Variants in NKAIN3 observed in about 807,000 individuals in gnomAD.
NKAIN3 encodes sodium/potassium transporting ATPase interacting 3.
In NKAIN3, 25 loss-of-function variants were observed where a neutral mutation model predicts 30.2. The ratio of observed to expected loss-of-function variants is 0.83; its 90% confidence interval spans 0.60 to 1.16. NKAIN3 has a LOEUF of 1.16. Among genes scored for constraint, NKAIN3 ranks in the 50% most tolerant of loss-of-function variants. The pLI, the probability that NKAIN3 is intolerant of heterozygous loss-of-function variation, is 0.00. For missense variants in NKAIN3, 225 were observed against 254.1 expected (o/e 0.89, Z 0.78); for synonymous variants, 91 against 89.6 (o/e 1.02, Z -0.09).
chr8:62,790,577 CTGTCTG>C lies in NKAIN3; in HGVS notation c.471+43452_471+43457del, dbSNP rs1436673608. Among the ~76,000 whole-genome samples, 482 of 70,832 alleles carry C rather than the reference CTGTCTG, an allele frequency of 6.8e-3. 1 individual carries two copies. Among genetic ancestry groups the C allele is most frequent in the African/African-American group, 0.014 (424 of 30,790 alleles). The allele number at this position is 70,832 out of a possible 152,430, so 46.5% of individuals were successfully genotyped here. On this transcript the variant is annotated intron_variant, in intron 4 of 6. Coordinates refer to ENST00000623646, the MANE Select transcript of NKAIN3 (RefSeq NM_001304533.3). ...TGTGTGTGTGTGTGTGTCTGTCTGT[CTGTCTG>C]TGTGTGTGTGTGTGTGTGTCTGTCT...
chr8:62,813,639 T>C (rs1212921229), intron 4 of NKAIN3, among the ~76,000 whole-genome samples: 2 of 151,986 alleles, frequency 1.3e-5, no homozygotes, highest in Non-Finnish European at 2.9e-5. Context: ...TTGTTTTATA[T>C]ACTCTTTGTT....
chr8:62,838,013 T>A lies in NKAIN3; in HGVS notation c.472-80440T>A, dbSNP rs77376673. On this transcript the variant is annotated intron_variant, in intron 4 of 6. Transcript: ENST00000623646. Reference sequence around the variant, plus strand: ...ATGATAAAAGTAAGGATAAACTCTTTTAATGCGTAAAAACTTAGGAAAACA... The same window carrying A: ...ATGATAAAAGTAAGGATAAACTCTTATAATGCGTAAAAACTTAGGAAAACA... Among the ~76,000 whole-genome samples, 812 of 152,062 alleles carry A rather than the reference T, an allele frequency of 5.3e-3. 5 individuals are homozygous for A. The highest frequency in any genetic ancestry group is 0.018 in the African/African-American group (761 of 41,490).
At chr8:62,461,536 A>G (rs1266016749) in intron 1 of NKAIN3, among the ~76,000 whole-genome samples, 1 of 152,254 alleles carries the variant, frequency 6.6e-6, no homozygotes, top group East Asian at 1.9e-4. Context: ...TAAATCAGGT[A>G]TTTAAAATAT....
Position 62,426,422 on chromosome 8 carries a change from A to G in NKAIN3, c.55-153117A>G, listed in dbSNP as rs150858601. The stretch of plus-strand genomic sequence containing the variant: ...TAAGAATCTGCTTCTTCAAAGGCCA[A>G]ACAGCATCATCTTAAACTACTGGAG... On this transcript the variant is annotated intron_variant, in intron 1 of 6. Coordinates refer to ENST00000623646, the MANE Select transcript of NKAIN3 (RefSeq NM_001304533.3). Among the ~76,000 whole-genome samples, 28 of 152,132 alleles carry G rather than the reference A, an allele frequency of 1.8e-4. No individual in the cohort carries two copies. The East Asian group carries it at 3.3e-3, about 18-fold the overall frequency.
chr8:62,587,015 G>A (rs761807525), intron 2 of NKAIN3, among the ~76,000 whole-genome samples: 1 of 151,838 alleles, frequency 6.6e-6, no homozygotes, highest in African/African-American at 2.4e-5. Flanking sequence ...AAAATGGAGA[G>A]TCTTATTTTT....
At chr8:62,567,859 A>C (rs1809807412) in intron 1 of NKAIN3, among the ~76,000 whole-genome samples, 1 of 152,190 alleles carries the variant, frequency 6.6e-6, no homozygotes, top group Non-Finnish European at 1.5e-5. Context: ...TTATAAAGTA[A>C]TAAAGTAATA....
At chr8:62,393,261 G>T (rs1041821064) in intron 1 of NKAIN3, among the ~76,000 whole-genome samples, 8 of 151,904 alleles carry the variant, frequency 5.3e-5, no homozygotes, top group Non-Finnish European at 5.9e-5. Context: ...TTGATAATCA[G>T]GTTTGTATAC....
At chr8:62,892,136 T>C (rs1484666014) in intron 4 of NKAIN3, among the ~76,000 whole-genome samples, 1 of 152,222 alleles carries the variant, frequency 6.6e-6, no homozygotes. Context: ...AGTTCCTTTT[T>C]ATACAACCAT....
intron 1 of NKAIN3, among the ~76,000 whole-genome samples, chr8:62,572,014 T>G (rs1297743941): frequency 6.6e-6 from 1 of 152,184 alleles, no homozygotes; most frequent in African/African-American, 2.4e-5. Context: ...TTCTCTTTAC[T>G]TAGGCAAATT....
chr8:62,846,757 C>T (rs1446760579), intron 4 of NKAIN3, among the ~76,000 whole-genome samples: 2 of 152,048 alleles, frequency 1.3e-5, no homozygotes, highest in African/African-American at 4.8e-5. Context: ...AATCTGTTCT[C>T]ATGCTGCGAA....
chr8:62,946,338 C>T (rs2130889042), intron 5 of NKAIN3, among the ~76,000 whole-genome samples: 1 of 152,278 alleles, frequency 6.6e-6, no homozygotes, highest in East Asian at 1.9e-4. Flanking sequence ...ACTAGGTATG[C>T]CATAAGCAGC....
At chr8:62,758,732 G>A (rs1816540200) in intron 4 of NKAIN3, among the ~76,000 whole-genome samples, 1 of 152,020 alleles carries the variant, frequency 6.6e-6, no homozygotes, top group Non-Finnish European at 1.5e-5. Context: ...ACATATTTTA[G>A]GTACATATAC....
At chr8:62,842,051 A>G (rs967218258) in intron 4 of NKAIN3, among the ~76,000 whole-genome samples, 1 of 152,062 alleles carries the variant, frequency 6.6e-6, no homozygotes, top group African/African-American at 2.4e-5. Context: ...GTGTTTTCCT[A>G]ATGATTAGTT....
intron 4 of NKAIN3, among the ~76,000 whole-genome samples, chr8:62,847,371 G>A (rs1395890382): frequency 1.3e-5 from 2 of 151,976 alleles, no homozygotes; most frequent in Non-Finnish European, 2.9e-5. Flanking sequence ...TTTAGTAATA[G>A]CCTTTATGAC....
chr8:62,516,950 C>T lies in NKAIN3; in HGVS notation c.55-62589C>T, dbSNP rs1055508894. Among the ~76,000 whole-genome samples the T allele has an allele frequency of 2.0e-5, 3 of 152,114 alleles. No individual in the cohort carries two copies. The East Asian group carries it at 5.8e-4, about 29-fold the overall frequency. ...CAGTCTTCTACAATTTTAATAATAG[C>T]TACCACTTTCAGCTCCTTCCAGACA... On this transcript the variant is annotated intron_variant, in intron 1 of 6. Transcript: ENST00000623646.
intron 4 of NKAIN3, among the ~76,000 whole-genome samples, chr8:62,770,734 G>A (rs931881408): frequency 6.6e-6 from 1 of 151,708 alleles, no homozygotes; most frequent in African/African-American, 2.4e-5. Flanking sequence ...AGACTTATAG[G>A]TGACCTCTAA....
downstream of NKAIN3, among the ~76,000 whole-genome samples, chr8:62,989,446 G>A (rs563443112): frequency 3.3e-5 from 5 of 152,316 alleles, no homozygotes; most frequent in South Asian, 4.1e-4. Flanking sequence ...TGGCAAGGAA[G>A]AGAGCTTGTG....
intron 3 of NKAIN3, among the ~76,000 whole-genome samples, chr8:62,611,773 A>G (rs910430337): frequency 1.1e-4 from 16 of 152,168 alleles, no homozygotes; most frequent in Admixed American, 6.6e-5. Context: ...TCTCTTTGAT[A>G]TACTCATTTT....
At chr8:62,928,264 A>C (rs1822509267) in intron 5 of NKAIN3, among the ~76,000 whole-genome samples, 1 of 152,208 alleles carries the variant, frequency 6.6e-6, no homozygotes, top group Non-Finnish European at 1.5e-5. Context: ...AGTTATAACA[A>C]ACTAGTGTTT....
Sources: gnomAD v4.1 joint callset for allele counts (sites outside exome capture counted in the v4.1 genomes callset) on GRCh38, gnomAD v4.1.1 for gene constraint, MANE v1.5 for transcripts, NCBI Gene and HGNC (gene_info 2026-07-23, HGNC 2026-07-21) for gene names.